The following B3GALT1 variants were observed in gnomAD, a reference collection of about 807,000 sequenced individuals.
The protein encoded by B3GALT1 is beta-1,3-galactosyltransferase 1, also known as UDP-Gal:betaGlcNAc beta 1,3-galactosyltransferase, polypeptide 1.
In B3GALT1, 10 loss-of-function variants were observed where a neutral mutation model predicts 23.2. The ratio of observed to expected loss-of-function variants is 0.43; its 90% confidence interval spans 0.27 to 0.73. The LOEUF (loss-of-function observed/expected upper bound fraction) is 0.73. Among genes scored for constraint, B3GALT1 ranks in the 30% least tolerant of loss-of-function variants. The pLI is 0.21. For synonymous variants in B3GALT1, 156 were observed against 141.5 expected, an observed-to-expected ratio of 1.10 and a Z score of -0.73; for missense variants, 299 against 405.4, an observed-to-expected ratio of 0.74 and a Z score of 2.25.
intron 2 of B3GALT1, among the ~76,000 whole-genome samples, chr2:167,623,738 A>T (rs1685298771): frequency 6.6e-6 from 1 of 152,084 alleles, no homozygotes; most frequent in Admixed American, 6.6e-5. Context: ...ATATCCCAGA[A>T]CTTAAAGTAT....
chr2:167,490,418 C>A (rs1295754267), intron 2 of B3GALT1, 141 bp downstream of exon 2: 1 of 152,196 alleles, frequency 6.6e-6, no homozygotes, highest in Non-Finnish European at 1.5e-5. Flanking sequence ...TTATACCTTT[C>A]ATGTGAAATA....
intron 2 of B3GALT1, among the ~76,000 whole-genome samples, chr2:167,518,361 A>C (rs1425295173): frequency 6.6e-6 from 1 of 152,144 alleles, no homozygotes; most frequent in Non-Finnish European, 1.5e-5. Context: ...GGCTCACAAT[A>C]ATAGATATTG....
intron 3 of B3GALT1, among the ~76,000 whole-genome samples, chr2:167,680,679 G>C (rs773368356): frequency 2.0e-5 from 3 of 152,188 alleles, no homozygotes; most frequent in African/African-American, 2.4e-5. Flanking sequence ...ATCTCAAGAG[G>C]TTAAGGGATT....
chr2:167,860,724 G>A (rs1409066893), intron 4 of B3GALT1, among the ~76,000 whole-genome samples: 2 of 152,168 alleles, frequency 1.3e-5, no homozygotes, highest in Admixed American at 6.5e-5. Flanking sequence ...TTTGGGAAAT[G>A]TGCCTCAATC....
chr2:167,578,941 A>G (rs1339945684), intron 2 of B3GALT1, among the ~76,000 whole-genome samples: 1 of 152,060 alleles, frequency 6.6e-6, no homozygotes, highest in Non-Finnish European at 1.5e-5. Flanking sequence ...AAACCTAATA[A>G]TATAGTGGGA....
intron 1 of B3GALT1, among the ~76,000 whole-genome samples, chr2:167,392,314 A>G (rs1250584256): frequency 6.6e-6 from 1 of 152,096 alleles, no homozygotes; most frequent in Non-Finnish European, 1.5e-5. Context: ...CCAAAAAACA[A>G]AATCTAAATA....
chr2:167,334,214 G>T (rs1037430569), intron 1 of B3GALT1, among the ~76,000 whole-genome samples: 5 of 152,096 alleles, frequency 3.3e-5, no homozygotes, highest in Admixed American at 6.6e-5. Flanking sequence ...CTGCACAAAA[G>T]AACTTAATGA....
chr2:167,329,150 T>C (rs1581484), intron 1 of B3GALT1, among the ~76,000 whole-genome samples: 120,813 of 151,736 alleles, frequency 0.8, 49,800 homozygotes, highest in Non-Finnish European at 0.91. Context: ...TGTTTTTTGC[T>C]ATAAATTCTG....
chr2:167,442,881 T>G (rs11888539), intron 1 of B3GALT1, among the ~76,000 whole-genome samples: 1,478 of 140,276 alleles, frequency 0.011, 18 homozygotes, highest in African/African-American at 0.037. Flanking sequence ...TTAGTTTAAT[T>G]AGATCCCATT....
chr2:167,727,570 T>C lies in B3GALT1; in HGVS notation c.-352+80604T>C, dbSNP rs552163820. On this transcript the variant is annotated intron_variant, in intron 3 of 4. Coordinates refer to ENST00000392690, the MANE Select transcript of B3GALT1 (RefSeq NM_020981.4). ...CTCAAAATCTCAACCCATTACTGCATCAATTTAAAATTCATCCAAATCTCA... is the reference window on the plus strand; with the variant it reads ...CTCAAAATCTCAACCCATTACTGCACCAATTTAAAATTCATCCAAATCTCA... Among the ~76,000 whole-genome samples, 10 of 152,284 alleles carry C rather than the reference T, an allele frequency of 6.6e-5. No homozygotes were observed. The East Asian group carries it at 1.9e-3, about 29-fold the overall frequency.
intron 2 of B3GALT1, among the ~76,000 whole-genome samples, chr2:167,507,881 G>A (rs1438887030): frequency 2.0e-5 from 3 of 152,120 alleles, no homozygotes; most frequent in Admixed American, 1.3e-4. Context: ...CTGTAATGAG[G>A]TGCTATAGAC....
chr2:167,314,467 C>T lies in B3GALT1; in HGVS notation c.-511+21133C>T, dbSNP rs147046562. Among the ~76,000 whole-genome samples, 17 of 152,240 alleles carry T rather than the reference C, an allele frequency of 1.1e-4. No homozygotes were observed. The East Asian group carries it at 3.3e-3, about 29-fold the overall frequency. On this transcript the variant is annotated intron_variant, in intron 1 of 4. Coordinates refer to ENST00000392690, the MANE Select transcript of B3GALT1 (RefSeq NM_020981.4). ...GTTTGCCAGCTCCTCTGATAAAGAC[C>T]TAATTTGTTCCAGGAGTTGATGTAC...
At chr2:167,809,217 C>T (rs1242234824) in intron 3 of B3GALT1, among the ~76,000 whole-genome samples, 2 of 152,144 alleles carry the variant, frequency 1.3e-5, no homozygotes, top group Admixed American at 1.3e-4. Flanking sequence ...AACTTCTTTG[C>T]CATGGGTTCG....
intron 3 of B3GALT1, chr2:167,714,866 A>C: frequency 6.2e-7 from 1 of 1,608,530 alleles, no homozygotes; most frequent in Non-Finnish European, 8.5e-7. Context: ...TTCTATTGTC[A>C]ATTTCCTGTG....
At chr2:167,706,339 T>C (rs1437569916) in intron 3 of B3GALT1, among the ~76,000 whole-genome samples, 1 of 152,228 alleles carries the variant, frequency 6.6e-6, no homozygotes, top group East Asian at 1.9e-4. Context: ...GTTATCTAAA[T>C]TGTAGTTCTG....
At chr2:167,713,879 G>T in intron 3 of B3GALT1, 1 of 1,587,436 alleles carries the variant, frequency 6.3e-7, no homozygotes, top group Non-Finnish European at 8.6e-7. Context: ...ACCTCGTGAA[G>T]CTCCAAACAT....
At chr2:167,825,488 T>TTATA (rs199789772) in intron 4 of B3GALT1, among the ~76,000 whole-genome samples, 7 of 146,242 alleles carry the variant, frequency 4.8e-5, no homozygotes, top group African/African-American at 1.7e-4. Flanking sequence ...TATATATAAA[T>TTATA]TATATATATA....
chr2:167,576,421 A>G lies in B3GALT1; in HGVS notation c.-409-70488A>G, dbSNP rs150072210. Among the ~76,000 whole-genome samples, 30 of 151,646 alleles carry G rather than the reference A, an allele frequency of 2.0e-4. No individual in the cohort carries two copies. In the East Asian group the frequency reaches 4.1e-3, roughly 21 times the overall value. ...TTTAGCTGGATAATTGCTGATCTCA[A>G]TTGTACACTGAAAAGGCACAGGCTA... On this transcript the variant is annotated intron_variant, in intron 2 of 4. Coordinates refer to ENST00000392690, the MANE Select transcript of B3GALT1 (RefSeq NM_020981.4).
chr2:167,361,487 A>C (rs1028744750), intron 1 of B3GALT1, among the ~76,000 whole-genome samples: 10 of 152,246 alleles, frequency 6.6e-5, no homozygotes, highest in African/African-American at 2.4e-4. Flanking sequence ...AGAAACCATA[A>C]GATGCAAACA....
Sources: gnomAD v4.1 joint callset for allele counts (sites outside exome capture counted in the v4.1 genomes callset) on GRCh38, gnomAD v4.1.1 for gene constraint, MANE v1.5 for transcripts, NCBI Gene and HGNC (gene_info 2026-07-23, HGNC 2026-07-21) for gene names.